TRPM3: variants seen among roughly 807,000 people sequenced by gnomAD.
The protein encoded by TRPM3 is transient receptor potential cation channel subfamily M member 3.
In TRPM3, 77 loss-of-function variants were observed where a neutral mutation model predicts 181.2. That is an observed-to-expected ratio of 0.42 (90% confidence interval 0.35 to 0.51). The LOEUF (loss-of-function observed/expected upper bound fraction) is 0.51. Ranked by LOEUF, TRPM3 falls within the 20% of genes least tolerant of loss-of-function variation. The pLI, the probability that TRPM3 is intolerant of heterozygous loss-of-function variation, is 0.01. For synonymous variants in TRPM3, 745 were observed against 796.4 expected, an observed-to-expected ratio of 0.94 and a Z score of 1.09; for missense variants, 1,759 against 2,196.7, an observed-to-expected ratio of 0.80 and a Z score of 3.98.
chr9:70,804,247 T>C (rs1471565094), intron 6 of TRPM3, among the ~76,000 whole-genome samples: 1 of 152,098 alleles, frequency 6.6e-6, no homozygotes, highest in African/African-American at 2.4e-5. Context: ...GGAGAATCCC[T>C]TGAACTCAGG....
intron 6 of TRPM3, among the ~76,000 whole-genome samples, chr9:70,811,998 C>T (rs718446): frequency 0.03 from 4,550 of 152,200 alleles, 93 homozygotes; most frequent in Middle Eastern, 0.058. Flanking sequence ...GGTTTCCTAC[C>T]AATTTGGTTA....
At chr9:70,608,999 T>C (rs1386056551) in intron 19 of TRPM3, among the ~76,000 whole-genome samples, 1 of 152,208 alleles carries the variant, frequency 6.6e-6, no homozygotes, top group African/African-American at 2.4e-5. Flanking sequence ...TGATTATCTA[T>C]TGCTGGGCAA....
intron 1 of TRPM3, among the ~76,000 whole-genome samples, chr9:71,296,481 A>G (rs2086269052): frequency 1.3e-5 from 2 of 152,198 alleles, no homozygotes; most frequent in African/African-American, 4.8e-5. Context: ...AAGAAATCCC[A>G]CCAGTTAAAT....
chr9:70,618,167 C>T (rs891732811), intron 17 of TRPM3, among the ~76,000 whole-genome samples: 2 of 152,196 alleles, frequency 1.3e-5, no homozygotes, highest in Admixed American at 6.5e-5. Flanking sequence ...AAACGCTATA[C>T]ACCATCCTAT....
chr9:70,998,134 TATATATACACATATATATATAC>T (rs71367244), intron 1 of TRPM3, among the ~76,000 whole-genome samples: 46,244 of 139,818 alleles, frequency 0.33, 7,974 homozygotes, highest in Middle Eastern at 0.44. Flanking sequence ...TATATATACA[TATATATACACATATATATATAC>T]ATATATACAT....
intron 1 of TRPM3, among the ~76,000 whole-genome samples, chr9:71,109,837 A>G (rs1791127313): frequency 6.6e-6 from 1 of 152,176 alleles, no homozygotes; most frequent in Non-Finnish European, 1.5e-5. Context: ...TTACCTATAA[A>G]GAGGAGTAAC....
At chr9:71,252,254 T>C (rs1396447396) in intron 1 of TRPM3, among the ~76,000 whole-genome samples, 2 of 152,116 alleles carry the variant, frequency 1.3e-5, no homozygotes, top group African/African-American at 4.8e-5. Context: ...TGAGGTAGCA[T>C]GTATGGTTCC....
At chr9:70,910,678 G>T (rs779708487) in intron 1 of TRPM3, among the ~76,000 whole-genome samples, 18 of 152,244 alleles carry the variant, frequency 1.2e-4, no homozygotes, top group Non-Finnish European at 2.2e-4. Flanking sequence ...GCTATAACAT[G>T]CAACTGAAAT....
chr9:70,834,771 A>T (rs1045017448), intron 5 of TRPM3, among the ~76,000 whole-genome samples: 7 of 152,200 alleles, frequency 4.6e-5, no homozygotes, highest in South Asian at 2.1e-4. Flanking sequence ...CCCAACTGCC[A>T]TCCTGGCTGT....
At chr9:71,286,911 C>T (rs956562484) in intron 1 of TRPM3, among the ~76,000 whole-genome samples, 6 of 113,974 alleles carry the variant, frequency 5.3e-5, no homozygotes, top group Admixed American at 5.0e-4. Flanking sequence ...CAGAAGCATT[C>T]TTTGACCACG....
At chr9:71,066,053 G>A (rs967473138) in intron 1 of TRPM3, among the ~76,000 whole-genome samples, 2 of 152,138 alleles carry the variant, frequency 1.3e-5, no homozygotes, top group Non-Finnish European at 2.9e-5. Flanking sequence ...CATTGTTTAT[G>A]TAATGATGGC....
chr9:70,567,367 T>A (rs984459245), intron 22 of TRPM3, among the ~76,000 whole-genome samples: 3 of 152,260 alleles, frequency 2.0e-5, no homozygotes, highest in African/African-American at 7.2e-5. Flanking sequence ...ATTTTTCTTT[T>A]ATGCCTGGAA....
intron 1 of TRPM3, among the ~76,000 whole-genome samples, chr9:70,870,013 A>T (rs1208458479): frequency 1.3e-5 from 2 of 152,084 alleles, no homozygotes; most frequent in African/African-American, 2.4e-5. Context: ...TGAGCACTTC[A>T]TCTCCAAAGG....
At chr9:70,990,761 C>T (rs1277235415) in intron 1 of TRPM3, among the ~76,000 whole-genome samples, 2 of 152,154 alleles carry the variant, frequency 1.3e-5, no homozygotes, top group Admixed American at 1.3e-4. Flanking sequence ...TGTTCCCCAT[C>T]CCTCTGGCGG....
At chr9:71,229,404 T>C (rs2080901820) in intron 1 of TRPM3, among the ~76,000 whole-genome samples, 1 of 152,098 alleles carries the variant, frequency 6.6e-6, no homozygotes, top group African/African-American at 2.4e-5. Context: ...GACATTAAAC[T>C]TGGCAAAGGT....
In TRPM3 at chr9:71,308,366, AT is replaced by A. The variant is rs564386786; in HGVS notation, c.183+138286del. 1.3e-3 allele frequency among the ~76,000 whole-genome samples: 194 copies of A among 152,286 alleles called. 1 individual carries two copies. Among genetic ancestry groups the A allele is most frequent in the Non-Finnish European group, 2.3e-3 (154 of 68,012 alleles). ...ATTATTTGAGATGTTGTCAGCATGA[AT>A]TCAGGAAAATTGAGGGGAAGATTAA... is the stretch of plus-strand genomic sequence containing the variant. On this transcript the variant is annotated intron_variant, in intron 1 of 24. Transcript: ENST00000357533.
intron 1 of TRPM3, among the ~76,000 whole-genome samples, chr9:71,083,116 G>C (rs1591280866): frequency 6.6e-6 from 1 of 152,060 alleles, no homozygotes; most frequent in Admixed American, 6.6e-5. Flanking sequence ...AAAGACGTAT[G>C]AGCCTGAATT....
At chr9:70,558,598 G>A (rs569450379) in intron 22 of TRPM3, among the ~76,000 whole-genome samples, 8 of 152,308 alleles carry the variant, frequency 5.3e-5, no homozygotes, top group African/African-American at 7.2e-5. Context: ...GTCCAAGTGG[G>A]ATCTTTGACT....
chr9:71,127,495 T>A (rs550684808), intron 1 of TRPM3, among the ~76,000 whole-genome samples: 4 of 152,238 alleles, frequency 2.6e-5, no homozygotes, highest in East Asian at 3.9e-4. Context: ...GCAGACTCTA[T>A]CCAAACCTAA....
Sources: gnomAD v4.1 joint callset for allele counts (sites outside exome capture counted in the v4.1 genomes callset) on GRCh38, gnomAD v4.1.1 for gene constraint, MANE v1.5 for transcripts, NCBI Gene and HGNC (gene_info 2026-07-23, HGNC 2026-07-21) for gene names.